UBA6: variants seen among roughly 807,000 people sequenced by gnomAD.
UBA6 encodes the protein ubiquitin-like modifier-activating enzyme 6.
Under a neutral mutation model 148.3 loss-of-function variants are expected in UBA6, and 87 were observed. The observed-to-expected ratio is 0.59, with a 90% CI of 0.49 to 0.70. UBA6 has a LOEUF of 0.70. Ranked by LOEUF, UBA6 falls within the 30% of genes least tolerant of loss-of-function variation. UBA6 has a pLI of 0.00. For synonymous variants in UBA6, 376 were observed against 401.0 expected (o/e 0.94, Z 0.75); for missense variants, 1,186 against 1,241.2 (o/e 0.96, Z 0.67).
rs770886732 is a variant in UBA6, at chr4:67,649,155, T to C, written c.1161A>G (p.Leu387=). The part of the protein sequence containing the change: ...HWLSWTAQGF[L]SPLAAAVGGV... The stretch of plus-strand genomic sequence containing the variant: ...CTCCTACTGCTGCAGCAAGTGGAGA[T>C]AAAAAGCCTTGGGCAGTCCAAGAGA... The change falls in exon 14 of 33, where the codon TTA becomes TTG. Residue 387 remains leucine (L), a synonymous_variant. Transcript: ENST00000322244. 9 of 1,613,874 alleles carry C rather than the reference T, an allele frequency of 5.6e-6. No homozygotes were observed. The highest frequency in any genetic ancestry group is 3.3e-5 in the Admixed American group (2 of 59,980).
At chr4:67,644,243 A>G (rs1052176532) in intron 17 of UBA6, among the ~76,000 whole-genome samples, 2 of 152,090 alleles carry the variant, frequency 1.3e-5, no homozygotes, top group Non-Finnish European at 2.9e-5. Flanking sequence ...TAAATTGTAC[A>G]CTGAGCTTTA....
At chr4:67,676,809 T>G (rs1730291614) in intron 6 of UBA6, among the ~76,000 whole-genome samples, 1 of 152,048 alleles carries the variant, frequency 6.6e-6, no homozygotes, top group Non-Finnish European at 1.5e-5. Context: ...AAATTCTAGG[T>G]GCTTTGTAGC....
intron 28 of UBA6, among the ~76,000 whole-genome samples, chr4:67,625,751 C>A (rs1038927238): frequency 3.3e-5 from 5 of 151,756 alleles, no homozygotes; most frequent in African/African-American, 1.2e-4. Flanking sequence ...GTTTGGAAAC[C>A]ACTGATTTAT....
At chr4:67,686,952 TAAAAAAAAA>T (rs546442640) in intron 2 of UBA6, among the ~76,000 whole-genome samples, 3 of 57,188 alleles carry the variant, frequency 5.2e-5, no homozygotes, top group South Asian at 6.3e-4. Context: ...ATCCTGTCTC[TAAAAAAAAA>T]AAAAAAAAAA....
intron 25 of UBA6, among the ~76,000 whole-genome samples, chr4:67,631,351 A>T (rs192771799): frequency 4.4e-4 from 67 of 152,330 alleles, no homozygotes; most frequent in African/African-American, 1.5e-3. Flanking sequence ...ATTCAGTAGT[A>T]ATTATTTGTT....
At chr4:67,664,737 A>T (rs927334248) in intron 10 of UBA6, among the ~76,000 whole-genome samples, 1 of 152,160 alleles carries the variant, frequency 6.6e-6, no homozygotes, top group Admixed American at 6.5e-5. Context: ...TATAAAATTA[A>T]ATTAAAATTT....
chr4:67,658,917 T>C (rs1577816512), intron 13 of UBA6, among the ~76,000 whole-genome samples: 1 of 152,326 alleles, frequency 6.6e-6, no homozygotes, highest in East Asian at 1.9e-4. Flanking sequence ...TTACATTTGA[T>C]TGTAGTGGTG....
At chr4:67,665,398 G>A in intron 9 of UBA6, 106 bp from the exon 10 acceptor site, 2 of 615,902 alleles carry the variant, frequency 3.2e-6, no homozygotes, top group East Asian at 3.9e-5. Flanking sequence ...CAAAATTAAA[G>A]AATTCCAGCA....
At chr4:67,700,976 A>T (rs1730968006) in intron 1 of UBA6, 73 bp downstream of exon 1, 2 of 1,586,654 alleles carry the variant, frequency 1.3e-6, no homozygotes, top group South Asian at 2.2e-5. Context: ...AGCCCGCCGG[A>T]AAGAAAGAAG....
intron 32 of UBA6, among the ~76,000 whole-genome samples, chr4:67,620,242 A>G (rs1186706892): frequency 1.3e-5 from 2 of 152,228 alleles, no homozygotes; most frequent in African/African-American, 4.8e-5. Context: ...ATGAAAATCA[A>G]TATAAGGCAA....
intron 19 of UBA6, among the ~76,000 whole-genome samples, chr4:67,637,755 G>A (rs956564052): frequency 5.9e-5 from 9 of 152,016 alleles, no homozygotes. Context: ...CTCGTCAAGA[G>A]TCATCACCAC....
At position 67,669,125 on chromosome 4, in the gene UBA6, T is replaced by C. The variant is rs1314075844; in HGVS notation, c.670-451A>G. Among the ~76,000 whole-genome samples the C allele has an allele frequency of 2.0e-5, 3 of 152,206 alleles. No individual in the cohort carries two copies. The East Asian group carries it at 5.8e-4, about 29-fold the overall frequency. On this transcript the variant is annotated intron_variant, in intron 8 of 32. Transcript: ENST00000322244. ...GTAGCTTACAGCTTGCTCAACACTT[T>C]AAAGAAATATTGTGTAGCTTATCAG...
At position 67,643,143 on chromosome 4, in the gene UBA6, G is replaced by GTA. The variant is rs1235869282; in HGVS notation, c.1476+1553_1476+1554dup. Among the ~76,000 whole-genome samples, 15 of 151,696 alleles carry GTA rather than the reference G, an allele frequency of 9.9e-5. No homozygotes were observed. In the East Asian group the frequency reaches 2.5e-3, roughly 25 times the overall value. The stretch of plus-strand genomic sequence containing the variant: ...TCTATTATTCACCAGCATGGCACAA[G>GTA]TATATATATGTAACTAACCTGCACA... On this transcript the variant is annotated intron_variant, in intron 17 of 32. Coordinates refer to ENST00000322244, the MANE Select transcript of UBA6 (RefSeq NM_018227.6).
At chr4:67,620,089 T>C (rs1040540847) in intron 32 of UBA6, among the ~76,000 whole-genome samples, 9 of 152,202 alleles carry the variant, frequency 5.9e-5, no homozygotes, top group African/African-American at 1.9e-4. Flanking sequence ...GTACATAAAC[T>C]TTTCATTCTT....
chr4:67,649,075 C>T lies in UBA6; in HGVS notation c.1241G>A (p.Cys414Tyr), dbSNP rs192983688. The T allele has an allele frequency of 1.2e-6, 2 of 1,613,344 alleles. No individual in the cohort carries two copies. Among genetic ancestry groups the T allele is most frequent in the African/African-American group, 2.7e-5 (2 of 75,008 alleles). The change falls in exon 14 of 33, where the codon TGC becomes TAC. Residue 414 changes from cysteine (C) to tyrosine (Y), a missense_variant. Transcript: ENST00000322244. ...KAVTGKFSPLCQWLYLEAADI... is the reference protein window; with the variant it reads ...KAVTGKFSPLYQWLYLEAADI... ...TAAAAACTCAGAACTAACCCACTGG[C>T]ACAAAGGAGAAAATTTTCCTGTTAC...
intron 2 of UBA6, among the ~76,000 whole-genome samples, chr4:67,687,806 A>G (rs908271955): frequency 2.0e-5 from 3 of 152,216 alleles, no homozygotes; most frequent in Admixed American, 1.3e-4. Flanking sequence ...TGCAAAGGAC[A>G]TGATCTCATT....
At chr4:67,639,687 C>G (rs1024534624) in intron 18 of UBA6, among the ~76,000 whole-genome samples, 1 of 152,118 alleles carries the variant, frequency 6.6e-6, no homozygotes, top group Non-Finnish European at 1.5e-5. Flanking sequence ...AAACTACAGA[C>G]AGTACCAAAC....
At chr4:67,630,941 T>A (rs1366899698) in intron 25 of UBA6, among the ~76,000 whole-genome samples, 1 of 152,094 alleles carries the variant, frequency 6.6e-6, no homozygotes, top group African/African-American at 2.4e-5. Flanking sequence ...AAAAAGAAAG[T>A]CTTATAGAAG....
rs1270158254 is a variant in UBA6, at chr4:67,616,133, C to T, written c.*2864G>A. The T allele has an allele frequency of 5.1e-6, 2 of 395,428 alleles. No individual in the cohort carries two copies. The highest frequency in any genetic ancestry group is 4.2e-5 in the African/African-American group (2 of 48,138). The allele number at this position is 395,428 out of a possible 1,614,324, so 24.5% of individuals were successfully genotyped here. A position where few individuals can be genotyped will look rare whatever the true frequency, so the allele number is the denominator to read the frequency against. ...ACACATATTATCAATGGATACTTAA[C>T]TCTGATCCTCAAGAGCTCAACTCTG... On this transcript the variant is annotated 3_prime_UTR_variant, in exon 33 of 33. Coordinates refer to ENST00000322244, the MANE Select transcript of UBA6 (RefSeq NM_018227.6).
Sources: allele counts gnomAD v4.1 joint callset (sites outside exome capture counted in the v4.1 genomes callset), GRCh38; gene constraint gnomAD v4.1.1; transcripts MANE v1.5; gene names NCBI Gene and HGNC (gene_info 2026-07-23, HGNC 2026-07-21).